Variants in DMRT1 observed in about 807,000 individuals in gnomAD.
The protein encoded by DMRT1 is doublesex and mab-3 related transcription factor 1, also known as doublesex- and mab-3-related transcription factor 1.
In DMRT1, 7 loss-of-function variants were observed where a neutral mutation model predicts 32.3. The observed-to-expected ratio is 0.22, with a 90% CI of 0.12 to 0.41. The LOEUF (loss-of-function observed/expected upper bound fraction) is 0.41. Ranked by LOEUF, DMRT1 falls within the 10% of genes least tolerant of loss-of-function variation. The pLI is 1.00. For missense variants in DMRT1, 625 were observed against 500.5 expected (o/e 1.25, Z -2.37); for synonymous variants, 278 against 206.1 (o/e 1.35, Z -2.99).
At chr9:881,111 C>G (rs375310130) in intron 2 of DMRT1, among the ~76,000 whole-genome samples, 7 of 151,850 alleles carry the variant, frequency 4.6e-5, no homozygotes, top group Non-Finnish European at 8.8e-5. Flanking sequence ...TTCTATAGAC[C>G]CCCCCCACCT....
chr9:887,140 G>A (rs947832708), intron 2 of DMRT1, among the ~76,000 whole-genome samples: 2 of 152,160 alleles, frequency 1.3e-5, no homozygotes, highest in African/African-American at 2.4e-5. Flanking sequence ...GCAGTGAGCC[G>A]AGATCAGGAG....
rs34513874 is a variant in DMRT1, at chr9:895,670, A to T, written c.822+1475A>T. On this transcript the variant is annotated intron_variant, in intron 3 of 4. Transcript: ENST00000382276. The stretch of plus-strand genomic sequence containing the variant: ...ACATTAATCACCTCACATAGTTACC[A>T]TTTTTATGTGTGTGGTTGATAACAC... Among the ~76,000 whole-genome samples, 938 of 152,182 alleles carry T rather than the reference A, an allele frequency of 6.2e-3. 3 individuals are homozygous for T. The highest frequency in any genetic ancestry group is 1.0e-2 in the Non-Finnish European group (680 of 68,008).
At chr9:876,346 C>T (rs1816498707) in intron 2 of DMRT1, among the ~76,000 whole-genome samples, 1 of 152,150 alleles carries the variant, frequency 6.6e-6, no homozygotes, top group African/African-American at 2.4e-5. Flanking sequence ...TCATGACTCT[C>T]AGCCACTGCC....
At chr9:861,733 C>G (rs1460039060) in intron 2 of DMRT1, among the ~76,000 whole-genome samples, 1 of 149,534 alleles carries the variant, frequency 6.7e-6, no homozygotes, top group Non-Finnish European at 1.5e-5. Flanking sequence ...GCAGGGGCTG[C>G]CCCCCACCTC....
chr9:841,743 C>G lies in DMRT1; in HGVS notation c.-96C>G. 6.5e-7 allele frequency: 1 copy of G among 1,547,468 alleles called. No individual in the cohort carries two copies. The highest frequency in any genetic ancestry group is 2.4e-5 in the East Asian group (1 of 40,948). On this transcript the variant is annotated 5_prime_UTR_variant, in exon 1 of 5. Coordinates refer to ENST00000382276, the MANE Select transcript of DMRT1 (RefSeq NM_021951.3). ...GCAGCGCACACGTCTCCTGCGCCTC[C>G]TCCTCCGGAGCGTCGCTGTCCGTCG...
chr9:922,835 C>T (rs1236836376), intron 4 of DMRT1, among the ~76,000 whole-genome samples: 1 of 152,140 alleles, frequency 6.6e-6, no homozygotes, highest in African/African-American at 2.4e-5. Flanking sequence ...TCATTTAACA[C>T]ACAGAGGTTG....
At chr9:861,629 A>ACGGGGCGGCGGCCGGGC (rs1232239453) in intron 2 of DMRT1, among the ~76,000 whole-genome samples, 2 of 148,316 alleles carry the variant, frequency 1.3e-5, no homozygotes, top group African/African-American at 5.2e-5. Context: ...CACTTCCCAG[A>ACGGGGCGGCGGCCGGGC]AGGGGCAGCG....
chr9:899,264 G>A (rs952669216), intron 3 of DMRT1, among the ~76,000 whole-genome samples: 4 of 151,950 alleles, frequency 2.6e-5, no homozygotes, highest in Non-Finnish European at 4.4e-5. Flanking sequence ...ACTGACTCTA[G>A]TGGAGATCGT....
chr9:890,905 T>G (rs1817122313), intron 2 of DMRT1, among the ~76,000 whole-genome samples: 1 of 151,864 alleles, frequency 6.6e-6, no homozygotes, highest in South Asian at 2.1e-4. Context: ...TTGTATTTTT[T>G]TTTTAGTGGA....
chr9:959,078 C>T (rs145129784), intron 4 of DMRT1, among the ~76,000 whole-genome samples: 1 of 152,368 alleles, frequency 6.6e-6, no homozygotes. Context: ...ATGTCACAGC[C>T]TACTTTATGG....
At chr9:864,702 A>T (rs1962754) in intron 2 of DMRT1, among the ~76,000 whole-genome samples, 3 of 150,710 alleles carry the variant, frequency 2.0e-5, no homozygotes, top group South Asian at 2.1e-4. Flanking sequence ...GGGTTTCACC[A>T]TGTTAGCCAG....
chr9:928,397 A>C (rs890823042), intron 4 of DMRT1, among the ~76,000 whole-genome samples: 2 of 152,214 alleles, frequency 1.3e-5, no homozygotes, highest in Non-Finnish European at 2.9e-5. Context: ...GTATACTTGC[A>C]TAAAATCTGG....
chr9:869,482 A>G (rs1816137800), intron 2 of DMRT1, among the ~76,000 whole-genome samples: 1 of 152,154 alleles, frequency 6.6e-6, no homozygotes, highest in South Asian at 2.1e-4. Context: ...TCTCCGGGTC[A>G]TTGCTCCTAG....
chr9:871,046 G>T (rs1175215724), intron 2 of DMRT1, among the ~76,000 whole-genome samples: 1 of 151,660 alleles, frequency 6.6e-6, no homozygotes, highest in African/African-American at 2.4e-5. Flanking sequence ...GGTTTCAGGG[G>T]GTCTTTGAAC....
chr9:907,120 A>C (rs1179205239), intron 3 of DMRT1, among the ~76,000 whole-genome samples: 2 of 152,178 alleles, frequency 1.3e-5, no homozygotes, highest in Non-Finnish European at 2.9e-5. Flanking sequence ...GTACAAACAC[A>C]CACCCCAGTC....
At chr9:901,105 C>G (rs972444367) in intron 3 of DMRT1, among the ~76,000 whole-genome samples, 1 of 152,088 alleles carries the variant, frequency 6.6e-6, no homozygotes, top group Admixed American at 6.5e-5. Flanking sequence ...GCCTCCACCT[C>G]CTGGACTTAA....
chr9:943,624 G>C (rs1005844116), intron 4 of DMRT1, among the ~76,000 whole-genome samples: 2 of 152,204 alleles, frequency 1.3e-5, no homozygotes, highest in Admixed American at 1.3e-4. Flanking sequence ...TGAAGGTCAT[G>C]GGGATGGTGG....
chr9:916,763 A>G lies in DMRT1; in HGVS notation c.823A>G (p.Met275Val), dbSNP rs202115252. 80 of 1,614,190 alleles carry G rather than the reference A, an allele frequency of 5.0e-5. No homozygotes were observed. In the East Asian group the frequency reaches 5.1e-4, roughly 10 times the overall value. The change falls in exon 4 of 5, where the codon ATG becomes GTG. Residue 275 changes from methionine to valine, a missense_variant and splice_region_variant. Around this residue, in one of 3 missense-constraint regions of DMRT1, gnomAD observed 416 missense variants for 321.6 expected, o/e 1.29. Coordinates refer to ENST00000382276, the MANE Select transcript of DMRT1 (RefSeq NM_021951.3). ...ATATTTCTTCTTTTTTCTTAAGCAG[A>G]TGAAGAACATGGAGAACCGCCATGC... ...VPGQTGNQWQ[M>V]KNMENRHAMS...
intron 4 of DMRT1, among the ~76,000 whole-genome samples, chr9:917,324 A>T (rs2129778942): frequency 6.6e-6 from 1 of 152,320 alleles, no homozygotes; most frequent in Admixed American, 6.5e-5. Flanking sequence ...TTTTGGCGAA[A>T]ACAACATAAT....
Sources: allele counts gnomAD v4.1 joint callset (sites outside exome capture counted in the v4.1 genomes callset), GRCh38; gene constraint gnomAD v4.1.1; regional missense constraint gnomAD v4.1.1; transcripts MANE v1.5; gene names NCBI Gene and HGNC (gene_info 2026-07-23, HGNC 2026-07-21).